Variants in NADK observed in about 807,000 individuals in gnomAD.
NADK encodes the protein NAD kinase.
Under a neutral mutation model 49.8 loss-of-function variants are expected in NADK, and 22 were observed. The observed-to-expected ratio is 0.44, with a 90% CI of 0.32 to 0.63. The LOEUF (loss-of-function observed/expected upper bound fraction) is 0.63. NADK is among the 30% of genes least tolerant of loss of function. NADK has a pLI of 0.06. For synonymous variants in NADK, 268 were observed against 253.7 expected, an observed-to-expected ratio of 1.06 and a Z score of -0.54; for missense variants, 438 against 609.4, an observed-to-expected ratio of 0.72 and a Z score of 2.96.
At chr1:1,771,681 C>T (rs1386786394) in intron 1 of NADK, among the ~76,000 whole-genome samples, 1 of 152,114 alleles carries the variant, frequency 6.6e-6, no homozygotes, top group Non-Finnish European at 1.5e-5. Context: ...TGGACAGCCA[C>T]GTCTAAAAGA....
chr1:1,772,569 T>A (rs1646083689), intron 1 of NADK, among the ~76,000 whole-genome samples: 1 of 151,688 alleles, frequency 6.6e-6, no homozygotes, highest in Non-Finnish European at 1.5e-5. Context: ...GTCCAGGAGT[T>A]CAAGACCAGT....
intron 3 of NADK, among the ~76,000 whole-genome samples, chr1:1,761,002 T>C (rs1459443550): frequency 3.9e-5 from 6 of 152,224 alleles, no homozygotes; most frequent in Non-Finnish European, 8.8e-5. Flanking sequence ...CTAATTTTTG[T>C]ATTTTTCTGA....
At position 1,754,169 on chromosome 1, in the gene NADK, G is replaced by A. The variant is rs1364344087; in HGVS notation, c.983C>T (p.Ala328Val). The A allele has an allele frequency of 1.9e-6, 3 of 1,612,218 alleles. No homozygotes were observed. Among genetic ancestry groups the A allele is most frequent in the Non-Finnish European group, 1.7e-6 (2 of 1,179,690 alleles). ...GATCATGGAGGCCCCGGCCGCGGCC[G>A]CATACGCCGTGCTGCCCGTCGGGGT... ...VSTPTGSTAYAAAAGASMIHP... is the reference protein window; with the variant it reads ...VSTPTGSTAYVAAAGASMIHP... Residue 328 changes from alanine to valine, a missense_variant, in exon 10 of 12, where the codon GCG (alanine) becomes GTG (valine). Physicochemically the swap from Ala to Val is moderately conservative, Grantham distance 64. Coordinates refer to ENST00000341426, the MANE Select transcript of NADK (RefSeq NM_023018.5). The surrounding 1 kb of genome is among the most constrained non-coding windows in gnomAD (Gnocchi z 4.3).
At chr1:1,764,137 C>A (rs893714098) in intron 2 of NADK, among the ~76,000 whole-genome samples, 1 of 152,194 alleles carries the variant, frequency 6.6e-6, no homozygotes, top group African/African-American at 2.4e-5. Context: ...TTCTCCACGG[C>A]TGCCACCACG....
intron 2 of NADK, 103 bp from the exon 3 acceptor site, chr1:1,762,138 T>C: frequency 1.0e-5 from 10 of 957,938 alleles, no homozygotes; most frequent in Non-Finnish European, 1.6e-5. Context: ...TACATGCAAT[T>C]TGAAAGATGC....
At chr1:1,753,108 A>AC (rs747850271) in intron 11 of NADK, 48 bp from the exon 12 acceptor site, 1 of 1,566,626 alleles carries the variant, frequency 6.4e-7, no homozygotes, top group East Asian at 2.3e-5. Context: ...AGAAAGGCCC[A>AC]CCCCCGGCCA....
intron 3 of NADK, among the ~76,000 whole-genome samples, chr1:1,760,219 C>A (rs1443839252): frequency 6.6e-6 from 1 of 152,212 alleles, no homozygotes; most frequent in Non-Finnish European, 1.5e-5. Context: ...GGCCCCCCGC[C>A]TCAGGCATTT....
At chr1:1,766,665 A>T (rs898040183) in intron 1 of NADK, among the ~76,000 whole-genome samples, 8 of 147,094 alleles carry the variant, frequency 5.4e-5, no homozygotes, top group Admixed American at 2.0e-4. Flanking sequence ...AGAAAACCTC[A>T]CCCTTTTTTC....
chr1:1,761,203 G>A (rs1019441872), intron 3 of NADK, among the ~76,000 whole-genome samples: 2 of 152,198 alleles, frequency 1.3e-5, no homozygotes, highest in Non-Finnish European at 2.9e-5. Flanking sequence ...ATATTGGCCA[G>A]GCTGGTCTTG....
At chr1:1,759,384 A>G (rs753181708) in intron 3 of NADK, 61 of 1,261,518 alleles carry the variant, frequency 4.8e-5, no homozygotes, top group Non-Finnish European at 6.4e-5. Flanking sequence ...TGAAGCCAGC[A>G]TGGCCACAGC....
chr1:1,763,009 A>G (rs1455727744), intron 2 of NADK, among the ~76,000 whole-genome samples: 1 of 152,200 alleles, frequency 6.6e-6, no homozygotes, highest in Non-Finnish European at 1.5e-5. Flanking sequence ...GAAAACTTGC[A>G]CACAGCTGGC....
intron 1 of NADK, among the ~76,000 whole-genome samples, chr1:1,771,486 A>T (rs1646050792): frequency 6.6e-6 from 1 of 152,204 alleles, no homozygotes; most frequent in South Asian, 2.1e-4. Flanking sequence ...TGACTTGTTG[A>T]AAAACTACGG....
Position 1,754,334 on chromosome 1 carries a change from T to A in NADK, c.893A>T (p.Asn298Ile). The A allele has an allele frequency of 6.2e-7, 1 of 1,613,868 alleles. No individual in the cohort carries two copies. Among genetic ancestry groups the A allele is most frequent in the Non-Finnish European group, 8.5e-7 (1 of 1,179,922 alleles). Residue 298 changes from asparagine to isoleucine, a missense_variant, in exon 9 of 12, where the codon AAT (asparagine) becomes ATT (isoleucine). Physicochemically the swap from Asn to Ile is moderately radical, Grantham distance 149. Coordinates refer to ENST00000341426, the MANE Select transcript of NADK (RefSeq NM_023018.5). The surrounding 1 kb of genome is among the most constrained non-coding windows in gnomAD (Gnocchi z 4.3). Reference protein sequence around the residue: ...IDRGPSSYLSNVDVYLDGHLI... With the variant: ...IDRGPSSYLSIVDVYLDGHLI... Reference sequence around the variant, plus strand: ...GTGTCCGTCCAGGTAGACATCCACATTGGACAGGTAGGAGGAGGGGCCTCT... The same window carrying A: ...GTGTCCGTCCAGGTAGACATCCACAATGGACAGGTAGGAGGAGGGGCCTCT...
At chr1:1,759,188 G>A in intron 3 of NADK, 1 of 1,570,506 alleles carries the variant, frequency 6.4e-7, no homozygotes, top group Non-Finnish European at 8.6e-7. Flanking sequence ...CACCGGCCCA[G>A]GCACCCACCG....
chr1:1,760,678 C>G (rs1349065742), intron 3 of NADK, among the ~76,000 whole-genome samples: 1 of 149,768 alleles, frequency 6.7e-6, no homozygotes, highest in Non-Finnish European at 1.5e-5. Flanking sequence ...AAGGAGGAGG[C>G]CCTGAAGAGA....
chr1:1,760,004 G>A (rs906393311), intron 3 of NADK: 10 of 1,303,522 alleles, frequency 7.7e-6, no homozygotes, highest in South Asian at 2.8e-5. Flanking sequence ...ACAGAGCCAC[G>A]GCGGGGCCGG....
At chr1:1,761,474 G>A (rs184720223) in intron 3 of NADK, among the ~76,000 whole-genome samples, 279 of 152,346 alleles carry the variant, frequency 1.8e-3, no homozygotes, top group African/African-American at 6.4e-3. Flanking sequence ...ATCGATCACT[G>A]TTGCGTTTTT....
intron 1 of NADK, among the ~76,000 whole-genome samples, chr1:1,766,818 G>C (rs1236426895): frequency 6.6e-6 from 1 of 151,696 alleles, no homozygotes; most frequent in Admixed American, 6.6e-5. Flanking sequence ...TGTTGCCCAG[G>C]CTGGTCTTCA....
rs1241371390 is a variant in NADK, at chr1:1,756,489, TG to T, written c.499+13del. 3 of 1,614,002 alleles carry T rather than the reference TG, an allele frequency of 1.9e-6. No homozygotes were observed. Among genetic ancestry groups the T allele is most frequent in the Admixed American group, 1.7e-5 (1 of 60,024 alleles). On this transcript the variant is annotated intron_variant, in intron 5 of 11. Transcript: ENST00000341426. Reference sequence around the variant, plus strand: ...GTGCTGGAGAAACCAAGGACAGAGCTGCTGACAGCCCACCTTCTCGAAAGGT... The same window carrying T: ...GTGCTGGAGAAACCAAGGACAGAGCTCTGACAGCCCACCTTCTCGAAAGGT...
Sources: gnomAD v4.1 joint callset for allele counts (sites outside exome capture counted in the v4.1 genomes callset) on GRCh38, gnomAD v4.1.1 for gene constraint, Gnocchi (gnomAD v3.1) non-coding constraint, MANE v1.5 for transcripts, NCBI Gene and HGNC (gene_info 2026-07-23, HGNC 2026-07-21) for gene names.